LIPA: variants seen among roughly 807,000 people sequenced by gnomAD.
LIPA encodes the protein lipase A, lysosomal acid type, also known as lysosomal acid lipase/cholesteryl ester hydrolase.
Under a neutral mutation model 40.6 loss-of-function variants are expected in LIPA, and 26 were observed. That is an observed-to-expected ratio of 0.64 (90% CI 0.47 to 0.89). The LOEUF (loss-of-function observed/expected upper bound fraction) is 0.89. LIPA is among the 40% of genes least tolerant of loss of function. The pLI is 0.00. For missense variants in LIPA, 455 were observed against 479.6 expected (o/e 0.95, Z 0.48); for synonymous variants, 188 against 168.4 (o/e 1.12, Z -0.90).
intron 1 of LIPA, among the ~76,000 whole-genome samples, chr10:89,320,245 G>C (rs994649447): frequency 3.9e-5 from 6 of 152,138 alleles, no homozygotes; most frequent in African/African-American, 1.2e-4. Context: ...AAGAAATAAA[G>C]GGTATTCAAT....
chr10:89,222,631 G>A (rs1449962730), intron 7 of LIPA, 49 bp from the exon 8 acceptor site: 3 of 1,148,306 alleles, frequency 2.6e-6, no homozygotes, highest in Admixed American at 3.4e-5. Flanking sequence ...CATTAAGGTG[G>A]CATTGATAAT....
intron 1 of LIPA, among the ~76,000 whole-genome samples, chr10:89,266,194 C>T (rs979954501): frequency 5.9e-5 from 9 of 152,210 alleles, no homozygotes; most frequent in Admixed American, 4.6e-4. Flanking sequence ...TAACAGCTGA[C>T]GCAGATATTC....
intron 1 of LIPA, among the ~76,000 whole-genome samples, chr10:89,312,494 T>G (rs971221455): frequency 2.0e-5 from 3 of 152,060 alleles, no homozygotes; most frequent in Non-Finnish European, 4.4e-5. Flanking sequence ...TAGAATCACT[T>G]TCTTCTGATC....
intron 1 of LIPA, chr10:89,306,966 G>C (rs750351586): frequency 1.2e-6 from 2 of 1,614,034 alleles, no homozygotes. Context: ...TTCCGTGTCT[G>C]TTCCATTCTT....
At chr10:89,306,732 G>GA in intron 1 of LIPA, 2 of 1,614,102 alleles carry the variant, frequency 1.2e-6, no homozygotes, top group Non-Finnish European at 1.7e-6. Context: ...TTTTATCGAA[G>GA]AAAAGATGAG....
chr10:89,283,037 A>T (rs1166490410), intron 1 of LIPA, among the ~76,000 whole-genome samples: 1 of 152,222 alleles, frequency 6.6e-6, no homozygotes, highest in Non-Finnish European at 1.5e-5. Context: ...CTCAATCAAT[A>T]TTAGTGTTGA....
chr10:89,268,965 G>A (rs1454458261), intron 1 of LIPA, among the ~76,000 whole-genome samples: 7 of 139,088 alleles, frequency 5.0e-5, no homozygotes, highest in African/African-American at 1.1e-4. Flanking sequence ...CAGTCTGGGC[G>A]ACAGAGACAG....
chr10:89,367,423 A>G (rs973512559), intron 2 of LIPA, among the ~76,000 whole-genome samples: 1 of 152,338 alleles, frequency 6.6e-6, no homozygotes, highest in Non-Finnish European at 1.5e-5. Context: ...TCTGTCCTGC[A>G]ATTGTTTCTA....
intron 3 of LIPA, among the ~76,000 whole-genome samples, chr10:89,243,364 A>AGGTTAGC (rs1053173998): frequency 5.3e-5 from 8 of 152,178 alleles, no homozygotes; most frequent in Admixed American, 3.9e-4. Flanking sequence ...CTCCCCACTG[A>AGGTTAGC]GGTTAGCTCA....
At chr10:89,324,526 T>C (rs747394989) in intron 1 of LIPA, among the ~76,000 whole-genome samples, 35 of 152,128 alleles carry the variant, frequency 2.3e-4, no homozygotes, top group Non-Finnish European at 4.0e-4. Context: ...AAACGGGACC[T>C]AATTAAACTA....
intron 1 of LIPA, among the ~76,000 whole-genome samples, chr10:89,286,019 C>T (rs1843339481): frequency 6.6e-6 from 1 of 152,144 alleles, no homozygotes; most frequent in South Asian, 2.1e-4. Context: ...TTATTTTCTT[C>T]TGCAATGCCA....
intron 4 of LIPA, among the ~76,000 whole-genome samples, chr10:89,227,438 A>G (rs1302955942): frequency 6.6e-6 from 1 of 152,228 alleles, no homozygotes; most frequent in African/African-American, 2.4e-5. Flanking sequence ...ACAATAAACC[A>G]ATTCTTGTAT....
upstream of LIPA, among the ~76,000 whole-genome samples, chr10:89,346,446 C>T (rs974906825): frequency 9.2e-5 from 14 of 152,174 alleles, no homozygotes; most frequent in Admixed American, 7.9e-4. Context: ...TCATAATTCA[C>T]CCTGCAACAC....
intron 2 of LIPA, among the ~76,000 whole-genome samples, chr10:89,398,087 C>T (rs1271702196): frequency 6.6e-6 from 1 of 152,128 alleles, no homozygotes; most frequent in Non-Finnish European, 1.5e-5. Flanking sequence ...CCTCCTCCCC[C>T]AGTGTGGAGG....
chr10:89,317,002 C>T (rs563196079), intron 1 of LIPA, among the ~76,000 whole-genome samples: 2 of 152,224 alleles, frequency 1.3e-5, no homozygotes, highest in Admixed American at 6.5e-5. Context: ...AGGGTCCTGA[C>T]TGTTAGAAGG....
intron 1 of LIPA, among the ~76,000 whole-genome samples, chr10:89,248,676 G>T (rs1381619254): frequency 1.3e-5 from 2 of 150,700 alleles, no homozygotes; most frequent in Non-Finnish European, 1.5e-5. Flanking sequence ...GTAGAGACGG[G>T]GTTTCACTGT....
intron 1 of LIPA, chr10:89,302,096 C>T: frequency 6.2e-7 from 1 of 1,613,672 alleles, no homozygotes. Context: ...CCGAGCCCTG[C>T]CGAACAGCTG....
chr10:89,276,636 G>C (rs1372237299), intron 1 of LIPA, among the ~76,000 whole-genome samples: 1 of 152,142 alleles, frequency 6.6e-6, no homozygotes, highest in Non-Finnish European at 1.5e-5. Context: ...CGTTGGAAGA[G>C]ACTTATTTTT....
Position 89,214,820 on chromosome 10 carries a change from T to A in LIPA, c.*8A>T. On this transcript the variant is annotated 3_prime_UTR_variant, in exon 10 of 10. Transcript: ENST00000336233. ...TTGACTTGGTGGTACACAGCTCAAGTCCAGCTTTCACTGATATTTCCTCAT... is the reference window on the plus strand; with the variant it reads ...TTGACTTGGTGGTACACAGCTCAAGACCAGCTTTCACTGATATTTCCTCAT... 3 of 1,495,538 alleles carry A rather than the reference T, an allele frequency of 2.0e-6. No individual in the cohort carries two copies. The highest frequency in any genetic ancestry group is 4.5e-5 in the East Asian group (2 of 44,302). 92.6% of individuals were successfully genotyped at this position (1,495,538 alleles called of 1,614,324 possible). A position where few individuals can be genotyped will look rare whatever the true frequency, so the allele number is the denominator to read the frequency against.
Sources: gnomAD v4.1 joint callset for allele counts (sites outside exome capture counted in the v4.1 genomes callset) on GRCh38, gnomAD v4.1.1 for gene constraint, MANE v1.5 for transcripts, NCBI Gene and HGNC (gene_info 2026-07-23, HGNC 2026-07-21) for gene names.